The following KANK1 variants were observed in gnomAD, a reference collection of about 807,000 sequenced individuals.
KANK1 encodes the protein KN motif and ankyrin repeat domains 1, also known as KN motif and ankyrin repeat domain-containing protein 1.
KANK1 carries 109 observed loss-of-function variants against 106.2 expected under a neutral mutation model. The observed-to-expected ratio is 1.03, with a 90% confidence interval of 0.88 to 1.20. The LOEUF (loss-of-function observed/expected upper bound fraction) is 1.20, where lower values mean the gene tolerates loss of function less well. Among genes scored for constraint, KANK1 ranks in the 50% most tolerant of loss-of-function variants. KANK1 has a pLI of 0.00. For missense variants in KANK1, 2,399 were observed against 1,710.7 expected (o/e 1.40, Z -7.10); for synonymous variants, 873 against 652.2 (o/e 1.34, Z -5.16).
At chr9:559,630 A>G (rs1815847829) in intron 1 of KANK1, among the ~76,000 whole-genome samples, 1 of 152,238 alleles carries the variant, frequency 6.6e-6, no homozygotes, top group African/African-American at 2.4e-5. Flanking sequence ...TCTGTTGACA[A>G]TCTTTCAAGA....
At chr9:686,532 G>A (rs1818615223) in intron 2 of KANK1, among the ~76,000 whole-genome samples, 1 of 152,192 alleles carries the variant, frequency 6.6e-6, no homozygotes, top group South Asian at 2.1e-4. Flanking sequence ...TGGTCGGGGA[G>A]GGAGGGATGG....
intron 3 of KANK1, among the ~76,000 whole-genome samples, chr9:727,199 C>T (rs1230504261): frequency 6.6e-6 from 1 of 152,072 alleles, no homozygotes; most frequent in Non-Finnish European, 1.5e-5. Context: ...CCTTCTGTGT[C>T]TTTTTGTACA....
intron 3 of KANK1, chr9:476,677 G>A (rs2058110118): frequency 6.6e-6 from 1 of 152,148 alleles, no homozygotes. Flanking sequence ...ACTGTACCAA[G>A]ATTTTGGCCA....
rs935586884 is a variant in KANK1 at position 607,256 on chromosome 9, C to T, written c.-83-69634C>T. Among the ~76,000 whole-genome samples, 10 of 151,616 alleles carry T rather than the reference C, an allele frequency of 6.6e-5. 2 individuals carry two copies. The highest frequency in any genetic ancestry group is 2.2e-4 in the African/African-American group (9 of 40,972). On this transcript the variant is annotated intron_variant, in intron 1 of 11. Coordinates refer to ENST00000382297, the MANE Select transcript of KANK1 (RefSeq NM_015158.5). ...ATCCCAGCATTTTGGGAGGCCAAGG[C>T]GGGTGGATCACTTGAGGTCAGAAGT...
chr9:690,630 T>G (rs1819689522), intron 2 of KANK1, among the ~76,000 whole-genome samples: 1 of 152,118 alleles, frequency 6.6e-6, no homozygotes, highest in Non-Finnish European at 1.5e-5. Flanking sequence ...TGTCAGGAAA[T>G]AGGCATCTTG....
chr9:663,765 T>A (rs1477231652), intron 1 of KANK1, among the ~76,000 whole-genome samples: 2 of 152,202 alleles, frequency 1.3e-5, no homozygotes, highest in Admixed American at 6.5e-5. Flanking sequence ...TCTGAAAGCA[T>A]TTGCAGGCTC....
intron 1 of KANK1, among the ~76,000 whole-genome samples, chr9:527,579 G>A (rs1236993916): frequency 6.6e-6 from 1 of 151,676 alleles, no homozygotes; most frequent in African/African-American, 2.4e-5. Context: ...GGAATTACAG[G>A]TGTAAGCCAC....
rs900457904 is a variant in KANK1 at position 490,149 on chromosome 9, ATCT to A, written c.-362+16886_-362+16888del. ...TTTTTCTGACTTCTAAGTTAAAGGC[ATCT>A]TCTTCTTCTAGAGTTTTAGTTGTTT... On this transcript the variant is annotated intron_variant, in intron 3 of 15. Transcript: ENST00000382303. Among the ~76,000 whole-genome samples, 5 of 152,314 alleles carry A rather than the reference ATCT, an allele frequency of 3.3e-5. No homozygotes were observed. The South Asian group carries it at 8.3e-4, about 25-fold the overall frequency.
intron 5 of KANK1, 119 bp from the exon 6 acceptor site, chr9:732,255 TGCAG>T: frequency 3.4e-6 from 4 of 1,180,158 alleles, no homozygotes; most frequent in Admixed American, 2.3e-5. Context: ...AACTTCTAAG[TGCAG>T]GATCTAAAAC....
intron 1 of KANK1, among the ~76,000 whole-genome samples, chr9:585,182 C>T (rs1823154066): frequency 6.6e-6 from 1 of 152,186 alleles, no homozygotes; most frequent in African/African-American, 2.4e-5. Flanking sequence ...ACTGATTCCC[C>T]TTAGAACTTT....
At chr9:683,424 G>A (rs1258721716) in intron 2 of KANK1, among the ~76,000 whole-genome samples, 1 of 152,168 alleles carries the variant, frequency 6.6e-6, no homozygotes, top group African/African-American at 2.4e-5. Flanking sequence ...CTAAAAGGGT[G>A]TGTTTCCATT....
At chr9:539,844 CATT>C (rs2060495753) in intron 1 of KANK1, among the ~76,000 whole-genome samples, 1 of 152,130 alleles carries the variant, frequency 6.6e-6, no homozygotes, top group African/African-American at 2.4e-5. Context: ...TTAGATAGTT[CATT>C]ATTAGTATAT....
At chr9:709,775 C>G (rs1378159971) in intron 2 of KANK1, among the ~76,000 whole-genome samples, 1 of 152,016 alleles carries the variant, frequency 6.6e-6, no homozygotes, top group Non-Finnish European at 1.5e-5. Flanking sequence ...GCCACCATGC[C>G]CAGCCAATTT....
At chr9:578,366 G>A (rs1273758276) in intron 1 of KANK1, among the ~76,000 whole-genome samples, 1 of 151,632 alleles carries the variant, frequency 6.6e-6, no homozygotes, top group Non-Finnish European at 1.5e-5. Context: ...CCTTTGCTAA[G>A]CCATGGAGGG....
chr9:491,981 A>G (rs946743277), intron 3 of KANK1: 1 of 152,242 alleles, frequency 6.6e-6, no homozygotes, highest in African/African-American at 2.4e-5. Flanking sequence ...CTCCACAGCT[A>G]CATGGAACTG....
Position 692,388 on chromosome 9 carries a change from C to T in KANK1, c.37+15379C>T, listed in dbSNP as rs542146365. 1.8e-4 allele frequency among the ~76,000 whole-genome samples: 27 copies of T among 152,150 alleles called. No homozygotes were observed. In the South Asian group the frequency reaches 5.6e-3, roughly 32 times the overall value. ...AATAAACCAACAGATTAAAAAATAA[C>T]AAACTAAAAACAAAGTTTCAAGTGC... On this transcript the variant is annotated intron_variant, in intron 2 of 11. Transcript: ENST00000382297.
At chr9:543,074 G>C (rs950727870) in intron 1 of KANK1, among the ~76,000 whole-genome samples, 3 of 152,114 alleles carry the variant, frequency 2.0e-5, no homozygotes, top group African/African-American at 7.2e-5. Context: ...TAATTAGCTA[G>C]ATTTAATTTC....
intron 2 of KANK1, among the ~76,000 whole-genome samples, chr9:472,096 C>T (rs1044003895): frequency 6.6e-6 from 1 of 152,228 alleles, no homozygotes; most frequent in Non-Finnish European, 1.5e-5. Context: ...ATTGGTGCTT[C>T]ATAAATGGCT....
chr9:690,453 A>G (rs1357702204), intron 2 of KANK1, among the ~76,000 whole-genome samples: 2 of 152,190 alleles, frequency 1.3e-5, no homozygotes, highest in African/African-American at 4.8e-5. Context: ...CTTCATCTGT[A>G]AAAGGCTGAA....
Sources: gnomAD v4.1 joint callset for allele counts (sites outside exome capture counted in the v4.1 genomes callset) on GRCh38, gnomAD v4.1.1 for gene constraint, MANE v1.5 for transcripts, NCBI Gene and HGNC (gene_info 2026-07-23, HGNC 2026-07-21) for gene names.